BLOC1S5: variants seen among roughly 807,000 people sequenced by gnomAD.
BLOC1S5 encodes the protein biogenesis of lysosomal organelles complex 1 subunit 5.
In BLOC1S5, 27 loss-of-function variants were observed where a neutral mutation model predicts 24.3. That is an observed-to-expected ratio of 1.11 (90% CI 0.82 to 1.53). The LOEUF (loss-of-function observed/expected upper bound fraction) is 1.53. Among genes scored for constraint, BLOC1S5 ranks in the 40% most tolerant of loss-of-function variants. BLOC1S5 has a pLI of 0.00. For missense variants in BLOC1S5, 239 were observed against 229.4 expected (o/e 1.04, Z -0.27); for synonymous variants, 84 against 74.5 (o/e 1.13, Z -0.66).
In BLOC1S5 at chr6:8,014,140, T is replaced by G. The variant is rs531596688; in HGVS notation, c.*1509A>C. 8 of 152,214 alleles carry G rather than the reference T, an allele frequency of 5.3e-5. No homozygotes were observed. Among genetic ancestry groups the G allele is most frequent in the Non-Finnish European group, 7.3e-5 (5 of 68,040 alleles). 9.4% of individuals were successfully genotyped at this position (152,214 alleles called of 1,614,324 possible). On this transcript the variant is annotated 3_prime_UTR_variant, in exon 5 of 5. Transcript: ENST00000397457. ...GCTGGATATTTTCTTTCTTGTGCCTTTCTTTACTAAAGAGCAATAAAAAAT... is the reference window on the plus strand; with the variant it reads ...GCTGGATATTTTCTTTCTTGTGCCTGTCTTTACTAAAGAGCAATAAAAAAT...
intron 4 of BLOC1S5, among the ~76,000 whole-genome samples, chr6:8,025,867 T>TA (rs1287970890): frequency 6.6e-6 from 1 of 152,242 alleles, no homozygotes; most frequent in East Asian, 1.9e-4. Context: ...CACAGGAACT[T>TA]AAATTCTTGT....
At chr6:8,021,678 T>C (rs529343018) in intron 4 of BLOC1S5, among the ~76,000 whole-genome samples, 10 of 152,258 alleles carry the variant, frequency 6.6e-5, no homozygotes, top group African/African-American at 2.4e-4. Context: ...ACAATGTGAA[T>C]ATAGATAATG....
chr6:8,016,484 G>A (rs1478671402), intron 4 of BLOC1S5, among the ~76,000 whole-genome samples: 1 of 151,936 alleles, frequency 6.6e-6, no homozygotes, highest in African/African-American at 2.4e-5. Context: ...AAGAATCATT[G>A]CTGTAAGAAA....
At chr6:8,032,007 A>G (rs558379554) in intron 3 of BLOC1S5, among the ~76,000 whole-genome samples, 7 of 152,338 alleles carry the variant, frequency 4.6e-5, no homozygotes, top group South Asian at 4.1e-4. Context: ...ACCTAAAACC[A>G]TAAGAGTTCT....
intron 2 of BLOC1S5, among the ~76,000 whole-genome samples, chr6:8,042,623 A>AT (rs1219423925): frequency 2.7e-5 from 4 of 148,788 alleles, no homozygotes; most frequent in African/African-American, 1.0e-4. Flanking sequence ...ACATTATGAG[A>AT]TTTTTTTGTG....
At chr6:8,062,398 C>T in intron 2 of BLOC1S5, 136 bp downstream of exon 2, 1 of 604,884 alleles carries the variant, frequency 1.7e-6, no homozygotes, top group Non-Finnish European at 2.8e-6. Context: ...ATTTTTACGT[C>T]TTCATCATTT....
At chr6:8,024,352 CCT>C (rs1313364033) in intron 4 of BLOC1S5, among the ~76,000 whole-genome samples, 1 of 151,508 alleles carries the variant, frequency 6.6e-6, no homozygotes, top group South Asian at 2.1e-4. Context: ...ATGGCAAATC[CCT>C]GTCTCTACTA....
In BLOC1S5 at chr6:8,015,494, T is replaced by C. The variant is rs1304193546; in HGVS notation, c.*155A>G. The C allele has an allele frequency of 1.4e-6, 1 of 699,174 alleles. No homozygotes were observed. 43.3% of individuals were successfully genotyped at this position (699,174 alleles called of 1,614,324 possible). A position where few individuals can be genotyped will look rare whatever the true frequency, so the allele number is the denominator to read the frequency against. ...GTGGCACCCTTCTTTAAATATCCAA[T>C]CAGAATGCCAGTAGAAACTTCTTTC... On this transcript the variant is annotated 3_prime_UTR_variant, in exon 5 of 5. Transcript: ENST00000397457.
chr6:8,046,401 T>G (rs1050666674), intron 2 of BLOC1S5, among the ~76,000 whole-genome samples: 2 of 152,110 alleles, frequency 1.3e-5, no homozygotes, highest in Non-Finnish European at 1.5e-5. Context: ...CTGTACTATC[T>G]TTGCAATTTT....
At chr6:8,037,127 T>G (rs1396887408) in intron 3 of BLOC1S5, among the ~76,000 whole-genome samples, 1 of 152,232 alleles carries the variant, frequency 6.6e-6, no homozygotes, top group Admixed American at 6.5e-5. Context: ...CTGAAAGTAC[T>G]GCCAGGGCAA....
At chr6:8,058,356 T>TG (rs1764388382) in intron 2 of BLOC1S5, among the ~76,000 whole-genome samples, 4 of 30,314 alleles carry the variant, frequency 1.3e-4, no homozygotes, top group East Asian at 1.2e-3. Context: ...CCTGTCTCTA[T>TG]GAAAAAAAAA....
chr6:8,050,262 T>C (rs990154506), intron 2 of BLOC1S5, among the ~76,000 whole-genome samples: 1 of 152,180 alleles, frequency 6.6e-6, no homozygotes, highest in Non-Finnish European at 1.5e-5. Context: ...GATGTTACTG[T>C]TGTCATAGTT....
intron 2 of BLOC1S5, among the ~76,000 whole-genome samples, chr6:8,056,472 A>G (rs1459938323): frequency 6.6e-6 from 1 of 150,480 alleles, no homozygotes; most frequent in Non-Finnish European, 1.5e-5. Flanking sequence ...TTCAAGGGGG[A>G]AAAAAAACAA....
Position 8,041,278 on chromosome 6 carries a change from G to C in BLOC1S5, c.196-10C>G, listed in dbSNP as rs1008294828. 1.4e-6 allele frequency: 2 copies of C among 1,396,010 alleles called. No individual in the cohort carries two copies. The highest frequency in any genetic ancestry group is 2.0e-6 in the Non-Finnish European group (2 of 1,012,352). 86.5% of individuals were successfully genotyped at this position (1,396,010 alleles called of 1,614,324 possible). On this transcript the variant is annotated splice_polypyrimidine_tract_variant and intron_variant, in intron 2 of 4. Coordinates refer to ENST00000397457, the MANE Select transcript of BLOC1S5 (RefSeq NM_201280.3). Reference sequence around the variant, plus strand: ...GAAGACCACGTTTTTCCTATTAAAAGAAAGTAGATGACTAATAAATATGGT... The same window carrying C: ...GAAGACCACGTTTTTCCTATTAAAACAAAGTAGATGACTAATAAATATGGT...
At chr6:8,023,985 G>C (rs1442571620) in intron 4 of BLOC1S5, among the ~76,000 whole-genome samples, 1 of 152,110 alleles carries the variant, frequency 6.6e-6, no homozygotes, top group Non-Finnish European at 1.5e-5. Context: ...GCTCCAATAA[G>C]AATGTAAAGA....
chr6:8,059,994 A>C (rs1561872738), intron 2 of BLOC1S5, among the ~76,000 whole-genome samples: 1 of 152,254 alleles, frequency 6.6e-6, no homozygotes, highest in Non-Finnish European at 1.5e-5. Context: ...ATAAGTGCTC[A>C]ACACATTTTG....
chr6:8,031,673 C>CA (rs1459403482), intron 3 of BLOC1S5, among the ~76,000 whole-genome samples: 1 of 152,022 alleles, frequency 6.6e-6, no homozygotes, highest in Non-Finnish European at 1.5e-5. Flanking sequence ...CAAGATTAAG[C>CA]AAAAATAACT....
chr6:8,023,647 C>A (rs1354149997), intron 4 of BLOC1S5, among the ~76,000 whole-genome samples: 1 of 151,958 alleles, frequency 6.6e-6, no homozygotes, highest in Non-Finnish European at 1.5e-5. Context: ...CATTACTACT[C>A]CCATCTTTGT....
intron 2 of BLOC1S5, among the ~76,000 whole-genome samples, chr6:8,047,328 C>T (rs565682863): frequency 1.3e-5 from 2 of 152,176 alleles, no homozygotes; most frequent in East Asian, 3.9e-4. Context: ...CTACCTCAGC[C>T]TTCCAAGTAG....
Sources: gnomAD v4.1 joint callset for allele counts (sites outside exome capture counted in the v4.1 genomes callset) on GRCh38, gnomAD v4.1.1 for gene constraint, MANE v1.5 for transcripts, NCBI Gene and HGNC (gene_info 2026-07-23, HGNC 2026-07-21) for gene names.